HEATR5A: variants seen among roughly 807,000 people sequenced by gnomAD.
The protein encoded by HEATR5A is HEAT repeat containing 5A.
Under a neutral mutation model 218.8 loss-of-function variants are expected in HEATR5A, and 178 were observed. The observed-to-expected ratio is 0.81, with a 90% CI of 0.72 to 0.92. The LOEUF (loss-of-function observed/expected upper bound fraction) is 0.92. Ranked by LOEUF, HEATR5A falls within the 40% of genes least tolerant of loss-of-function variation. The pLI, the probability that HEATR5A is intolerant of heterozygous loss-of-function variation, is 0.00. For missense variants in HEATR5A, 2,420 were observed against 2,418.9 expected, an observed-to-expected ratio of 1.00 and a Z score of -0.01; for synonymous variants, 864 against 871.6, an observed-to-expected ratio of 0.99 and a Z score of 0.15.
chr14:31,401,061 G>C (rs2030860720), intron 2 of HEATR5A, among the ~76,000 whole-genome samples: 1 of 151,888 alleles, frequency 6.6e-6, no homozygotes, highest in Non-Finnish European at 1.5e-5. Flanking sequence ...GGATGGTCTC[G>C]ATCTCCTGAC....
intron 22 of HEATR5A, among the ~76,000 whole-genome samples, chr14:31,330,606 T>C (rs1239791923): frequency 1.3e-5 from 2 of 151,822 alleles, no homozygotes; most frequent in East Asian, 2.0e-4. Context: ...GGCTAACAAG[T>C]AGTGAAACCC....
At chr14:31,386,819 G>A (rs1433437789) in intron 8 of HEATR5A, among the ~76,000 whole-genome samples, 1 of 152,102 alleles carries the variant, frequency 6.6e-6, no homozygotes, top group Non-Finnish European at 1.5e-5. Flanking sequence ...CTTAGCAAGT[G>A]GCACTGAGAG....
chr14:31,313,596 A>G (rs1438630406), intron 27 of HEATR5A, among the ~76,000 whole-genome samples: 1 of 152,216 alleles, frequency 6.6e-6, no homozygotes, highest in East Asian at 1.9e-4. Flanking sequence ...TAAAAAGTGT[A>G]CACAAATAGA....
In HEATR5A at chr14:31,304,050, A is replaced by T. The variant is rs183025923; in HGVS notation, c.5239+855T>A. Among the ~76,000 whole-genome samples the T allele has an allele frequency of 3.4e-4, 50 of 148,974 alleles. 1 individual carries two copies. The highest frequency in any genetic ancestry group is 1.0e-3 in the Admixed American group (15 of 14,886). On this transcript the variant is annotated intron_variant, in intron 32 of 35. Transcript: ENST00000543095. The stretch of plus-strand genomic sequence containing the variant: ...CAAGACCCCATCTCTACAAAAAATT[A>T]AAAAAAAAAATTAGCCAGGTATGGT...
chr14:31,417,749 C>CAAA (rs779679473), intron 1 of HEATR5A, among the ~76,000 whole-genome samples: 1 of 100,540 alleles, frequency 9.9e-6, no homozygotes, highest in Non-Finnish European at 2.1e-5. Flanking sequence ...GACTCCATCT[C>CAAA]AAAAAAAAAA....
At chr14:31,326,889 C>T (rs914396696) in intron 22 of HEATR5A, among the ~76,000 whole-genome samples, 2 of 152,088 alleles carry the variant, frequency 1.3e-5, no homozygotes, top group African/African-American at 4.8e-5. Context: ...AGGCGATCCA[C>T]CCATCTCAGC....
At chr14:31,333,166 G>A (rs1447830811) in intron 22 of HEATR5A, among the ~76,000 whole-genome samples, 2 of 152,114 alleles carry the variant, frequency 1.3e-5, no homozygotes, top group Non-Finnish European at 2.9e-5. Flanking sequence ...ACATAAAAAT[G>A]CAAGATAAAG....
At chr14:31,375,966 C>T (rs753311319) in intron 11 of HEATR5A, among the ~76,000 whole-genome samples, 3 of 152,102 alleles carry the variant, frequency 2.0e-5, no homozygotes, top group Non-Finnish European at 4.4e-5. Flanking sequence ...CTCCAGTAAG[C>T]GCTCTCTACT....
In HEATR5A at chr14:31,319,101, G is replaced by T. The variant is rs149910993; in HGVS notation, c.3970-809C>A. 3.4e-3 allele frequency among the ~76,000 whole-genome samples: 524 copies of T among 152,228 alleles called. 7 individuals carry two copies. Among genetic ancestry groups the T allele is most frequent in the African/African-American group, 0.012 (495 of 41,554 alleles). On this transcript the variant is annotated intron_variant, in intron 25 of 35. Coordinates refer to ENST00000543095, the MANE Select transcript of HEATR5A (RefSeq NM_015473.4). ...TTGTAAGAGGGCTAAAAATATAACA[G>T]AACTCCTCTTAATTAAGTTGAATTA...
intron 28 of HEATR5A, among the ~76,000 whole-genome samples, chr14:31,310,095 C>T (rs566937934): frequency 3.3e-5 from 5 of 152,242 alleles, no homozygotes; most frequent in South Asian, 2.1e-4. Flanking sequence ...AGAATGACTC[C>T]TAGATATGGT....
intron 22 of HEATR5A, chr14:31,334,424 T>C (rs555423469): frequency 2.2e-6 from 1 of 456,148 alleles, no homozygotes; most frequent in South Asian, 1.5e-5. Context: ...TTTCTGCAGA[T>C]GGAATCTACT....
intron 6 of HEATR5A, 52 bp from the exon 7 acceptor site, chr14:31,389,057 G>A: frequency 2.8e-6 from 4 of 1,450,170 alleles, no homozygotes; most frequent in Non-Finnish European, 2.8e-6. Flanking sequence ...AAATTTTAAT[G>A]TAAGTTCTTG....
intron 1 of HEATR5A, among the ~76,000 whole-genome samples, chr14:31,419,298 A>G (rs1412222133): frequency 6.6e-6 from 1 of 152,202 alleles, no homozygotes; most frequent in African/African-American, 2.4e-5. Flanking sequence ...AAAAAAGTCA[A>G]TGGCATTAAA....
At chr14:31,396,256 T>A (rs967050129) in intron 4 of HEATR5A, among the ~76,000 whole-genome samples, 1 of 151,978 alleles carries the variant, frequency 6.6e-6, no homozygotes, top group Non-Finnish European at 1.5e-5. Flanking sequence ...CTCAGGAGAC[T>A]GAGGTGGGAG....
At chr14:31,346,338 A>G (rs898300694) in intron 19 of HEATR5A, among the ~76,000 whole-genome samples, 2 of 152,214 alleles carry the variant, frequency 1.3e-5, no homozygotes, top group East Asian at 3.8e-4. Context: ...TACTATATAT[A>G]AAGACGGGTG....
At position 31,326,285 on chromosome 14, in the gene HEATR5A, T is replaced by C. The variant is rs969738515; in HGVS notation, c.3425A>G (p.Glu1142Gly). The stretch of plus-strand genomic sequence containing the variant: ...ATCATGGCATAATCTCTCATCTGTC[T>C]CCTTGTCTAGTAAGATCAACAATGC... ...EGALLILLDK[E>G]TDERLCHDIK... Residue 1142 changes from glutamate (E) to glycine (G), a missense_variant, in exon 23 of 36, where the codon GAG becomes GGG. Coordinates refer to ENST00000543095, the MANE Select transcript of HEATR5A (RefSeq NM_015473.4). 16 of 1,613,328 alleles carry C rather than the reference T, an allele frequency of 9.9e-6. No individual in the cohort carries two copies. The highest frequency in any genetic ancestry group is 1.3e-5 in the Non-Finnish European group (15 of 1,179,522).
At chr14:31,380,408 C>G in intron 11 of HEATR5A, 59 bp downstream of exon 11, 4 of 1,023,276 alleles carry the variant, frequency 3.9e-6, no homozygotes, top group East Asian at 2.6e-5. Context: ...ATATAAGAAT[C>G]ATTTCACTCA....
intron 1 of HEATR5A, among the ~76,000 whole-genome samples, chr14:31,404,291 T>C (rs553405042): frequency 6.6e-6 from 1 of 152,330 alleles, no homozygotes; most frequent in South Asian, 2.1e-4. Context: ...TAAAATGCTA[T>C]GGCTAATTTA....
At chr14:31,294,550 C>T (rs765947067) in intron 34 of HEATR5A, among the ~76,000 whole-genome samples, 6 of 151,574 alleles carry the variant, frequency 4.0e-5, no homozygotes, top group Non-Finnish European at 4.4e-5. Context: ...GCTGGGACTA[C>T]AGGCGTGCAC....
Sources: allele counts gnomAD v4.1 joint callset (sites outside exome capture counted in the v4.1 genomes callset), GRCh38; gene constraint gnomAD v4.1.1; transcripts MANE v1.5; gene names NCBI Gene and HGNC (gene_info 2026-07-23, HGNC 2026-07-21).